Variants in GABRG1 observed in about 807,000 individuals in gnomAD.
The protein encoded by GABRG1 is gamma-aminobutyric acid type A receptor subunit gamma1, also known as gamma-aminobutyric acid receptor subunit gamma-1.
GABRG1 carries 49 observed loss-of-function variants against 49.8 expected under a neutral mutation model. That is an observed-to-expected ratio of 0.98 (90% CI 0.78 to 1.25). The LOEUF (loss-of-function observed/expected upper bound fraction) is 1.25. Among genes scored for constraint, GABRG1 ranks in the 50% most tolerant of loss-of-function variants. GABRG1 has a pLI of 0.00. For synonymous variants in GABRG1, 232 were observed against 185.1 expected (o/e 1.25, Z -2.06); for missense variants, 552 against 552.3 (o/e 1.00, Z 0.01).
intron 2 of GABRG1, among the ~76,000 whole-genome samples, chr4:46,085,122 C>A (rs577827955): frequency 6.6e-6 from 1 of 150,960 alleles, no homozygotes; most frequent in Non-Finnish European, 1.5e-5. Context: ...AATCAGCAAA[C>A]GCCGAGTGCC....
intron 8 of GABRG1, among the ~76,000 whole-genome samples, chr4:46,041,482 T>G (rs1194154116): frequency 6.6e-6 from 1 of 151,924 alleles, no homozygotes; most frequent in Non-Finnish European, 1.5e-5. Flanking sequence ...AAAAATAAAA[T>G]ATATTTTTAT....
chr4:46,063,749 C>T (rs916251507), intron 5 of GABRG1, among the ~76,000 whole-genome samples: 16 of 151,978 alleles, frequency 1.1e-4, no homozygotes, highest in African/African-American at 3.9e-4. Context: ...AGGCAACCTA[C>T]AAAATGGGAG....
At chr4:46,105,073 G>T (rs1720489832) in intron 1 of GABRG1, among the ~76,000 whole-genome samples, 2 of 151,462 alleles carry the variant, frequency 1.3e-5, no homozygotes, top group African/African-American at 4.8e-5. Context: ...TCAACCAAAA[G>T]TAGCAAGGAG....
chr4:46,091,960 G>A (rs1304607931), intron 2 of GABRG1, among the ~76,000 whole-genome samples: 7 of 151,920 alleles, frequency 4.6e-5, no homozygotes, highest in Non-Finnish European at 8.8e-5. Context: ...AAAATAGCAC[G>A]ATTAATGTTG....
intron 7 of GABRG1, among the ~76,000 whole-genome samples, chr4:46,053,876 T>C (rs1426792322): frequency 2.0e-5 from 3 of 152,034 alleles, no homozygotes; most frequent in Non-Finnish European, 4.4e-5. Flanking sequence ...TCTGAGTCCG[T>C]GATAATAAAA....
At chr4:46,052,182 A>C (rs929776555) in intron 7 of GABRG1, among the ~76,000 whole-genome samples, 24 of 151,792 alleles carry the variant, frequency 1.6e-4, no homozygotes, top group African/African-American at 5.8e-4. Flanking sequence ...GAAAGCCAGA[A>C]GGAGACTGAG....
chr4:46,106,986 A>C (rs1228624729), intron 1 of GABRG1, among the ~76,000 whole-genome samples: 3 of 151,386 alleles, frequency 2.0e-5, no homozygotes, highest in African/African-American at 7.3e-5. Flanking sequence ...AGATACAGGC[A>C]TGCGATGTGA....
chr4:46,082,365 TATCTC>T (rs1338140559), intron 3 of GABRG1, among the ~76,000 whole-genome samples: 2 of 151,586 alleles, frequency 1.3e-5, no homozygotes, highest in African/African-American at 4.8e-5. Context: ...CCCATACTCT[TATCTC>T]ATCTTCTTCT....
At position 46,039,188 on chromosome 4, in the gene GABRG1, G is replaced by A. The variant is rs1259318873; in HGVS notation, c.*1800C>T. 2 of 151,484 alleles carry A rather than the reference G, an allele frequency of 1.3e-5. No homozygotes were observed. The highest frequency in any genetic ancestry group is 3.0e-5 in the Non-Finnish European group (2 of 67,674). The allele number at this position is 151,484 out of a possible 1,614,324, so 9.4% of individuals were successfully genotyped here. A position where few individuals can be genotyped will look rare whatever the true frequency, so the allele number is the denominator to read the frequency against. ...AGTACTCAATGTTATTAAAATGAAT[G>A]TATGAATAATCTGTAAATGAATATA... On this transcript the variant is annotated 3_prime_UTR_variant, in exon 9 of 9. Coordinates refer to ENST00000295452, the MANE Select transcript of GABRG1 (RefSeq NM_173536.4).
At position 46,091,483 on chromosome 4, in the gene GABRG1, T is replaced by C. The variant is rs989587778; in HGVS notation, c.253+5718A>G. Among the ~76,000 whole-genome samples, 5 of 151,964 alleles carry C rather than the reference T, an allele frequency of 3.3e-5. No homozygotes were observed. In the South Asian group the frequency reaches 1.0e-3, roughly 31 times the overall value. ...AAAAGTTACTCAAGTTATCAAGACA[T>C]CGTAATGATCAAAGATTTTAAAATA... On this transcript the variant is annotated intron_variant, in intron 2 of 8. Transcript: ENST00000295452.
At chr4:46,102,225 G>A (rs1248933245) in intron 1 of GABRG1, among the ~76,000 whole-genome samples, 1 of 151,622 alleles carries the variant, frequency 6.6e-6, no homozygotes, top group East Asian at 2.0e-4. Flanking sequence ...CTCCTGCTGT[G>A]AGAACATAGC....
chr4:46,117,772 A>G (rs565303191), intron 1 of GABRG1, among the ~76,000 whole-genome samples: 2 of 141,238 alleles, frequency 1.4e-5, no homozygotes, highest in Non-Finnish European at 3.1e-5. Flanking sequence ...ACATATACAT[A>G]TATACATACA....
intron 8 of GABRG1, among the ~76,000 whole-genome samples, chr4:46,045,561 T>A (rs1469870536): frequency 6.6e-6 from 1 of 151,444 alleles, no homozygotes; most frequent in Non-Finnish European, 1.5e-5. Context: ...CTTAAGATTT[T>A]TTTTTCACTG....
At chr4:46,120,263 T>G (rs1188829050) in intron 1 of GABRG1, among the ~76,000 whole-genome samples, 1 of 151,768 alleles carries the variant, frequency 6.6e-6, no homozygotes, top group African/African-American at 2.4e-5. Context: ...TTTCTCAGTA[T>G]CTCCAGAGTC....
intron 5 of GABRG1, among the ~76,000 whole-genome samples, chr4:46,063,824 A>G (rs1718804543): frequency 1.3e-5 from 2 of 152,178 alleles, no homozygotes; most frequent in African/African-American, 4.8e-5. Flanking sequence ...GAACTCAAAC[A>G]AATTTACAAG....
At chr4:46,097,644 C>T (rs1720225065) in intron 1 of GABRG1, among the ~76,000 whole-genome samples, 1 of 151,582 alleles carries the variant, frequency 6.6e-6, no homozygotes, top group Non-Finnish European at 1.5e-5. Context: ...CAAAATATGA[C>T]TGGTGTCCCC....
At chr4:46,092,177 G>A (rs1720013638) in intron 2 of GABRG1, among the ~76,000 whole-genome samples, 1 of 151,862 alleles carries the variant, frequency 6.6e-6, no homozygotes, top group Admixed American at 6.6e-5. Context: ...ATTTCTAAGT[G>A]GAAATAGGGT....
chr4:46,112,397 T>C (rs2109441711), intron 1 of GABRG1, among the ~76,000 whole-genome samples: 1 of 151,540 alleles, frequency 6.6e-6, no homozygotes, highest in African/African-American at 2.4e-5. Context: ...GAATGCAAAA[T>C]AGTTCTGCCA....
intron 3 of GABRG1, among the ~76,000 whole-genome samples, chr4:46,076,651 C>G (rs1174377829): frequency 6.6e-6 from 1 of 151,380 alleles, no homozygotes; most frequent in Non-Finnish European, 1.5e-5. Context: ...ACTAGACATT[C>G]ATTCTGTCAG....
Sources: gnomAD v4.1 joint callset for allele counts (sites outside exome capture counted in the v4.1 genomes callset) on GRCh38, gnomAD v4.1.1 for gene constraint, MANE v1.5 for transcripts, NCBI Gene and HGNC (gene_info 2026-07-23, HGNC 2026-07-21) for gene names.